DESI2: variants seen among roughly 807,000 people sequenced by gnomAD.
DESI2 encodes deubiquitinase DESI2.
DESI2 carries 10 observed loss-of-function variants against 24.1 expected under a neutral mutation model. The ratio of observed to expected loss-of-function variants is 0.41; its 90% confidence interval spans 0.26 to 0.70. The LOEUF (loss-of-function observed/expected upper bound fraction) is 0.70. Among genes scored for constraint, DESI2 ranks in the 30% least tolerant of loss-of-function variants. The pLI is 0.29. For synonymous variants in DESI2, 71 were observed against 87.7 expected (o/e 0.81, Z 1.06); for missense variants, 122 against 234.9 (o/e 0.52, Z 3.14).
At position 244,653,172 on chromosome 1, in the gene DESI2, C is replaced by T. The variant is rs1291332395; in HGVS notation, c.-142C>T. On this transcript the variant is annotated 5_prime_UTR_variant, in exon 1 of 5. Transcript: ENST00000302550. ...CCGGGAGCGGCTCGGCTGCCCGATGCTTCCGCCCCGGCTGCCGCGGGCCGG... is the reference window on the plus strand; with the variant it reads ...CCGGGAGCGGCTCGGCTGCCCGATGTTTCCGCCCCGGCTGCCGCGGGCCGG... 1.2e-6 allele frequency: 1 copy of T among 831,174 alleles called. No individual in the cohort carries two copies. The highest frequency in any genetic ancestry group is 1.7e-6 in the Non-Finnish European group (1 of 605,832). 51.5% of individuals were successfully genotyped at this position (831,174 alleles called of 1,614,324 possible). A position where few individuals can be genotyped will look rare whatever the true frequency, so the allele number is the denominator to read the frequency against.
rs57889414 is a variant in DESI2 at position 244,686,509 on chromosome 1, G to A, written c.43-88G>A. The A allele has an allele frequency of 0.011, 8,995 of 823,524 alleles. 495 individuals are homozygous for A. The African/African-American group carries it at 0.13, about 12-fold the overall frequency. 51.0% of individuals were successfully genotyped at this position (823,524 alleles called of 1,614,324 possible). Reference sequence around the variant, plus strand: ...ATCGTTATCATGGGAGTTTCAGAGTGAAAGACTGGGGAGCAGTCACTTCTG... The same window carrying A: ...ATCGTTATCATGGGAGTTTCAGAGTAAAAGACTGGGGAGCAGTCACTTCTG... On this transcript the variant is annotated intron_variant, in intron 1 of 4. Transcript: ENST00000302550.
intron 1 of DESI2, among the ~76,000 whole-genome samples, chr1:244,671,724 T>C (rs944533478): frequency 1.3e-5 from 2 of 152,266 alleles, no homozygotes; most frequent in Non-Finnish European, 2.9e-5. Context: ...CAGCTTGTTT[T>C]GTTTGTCTTT....
intron 1 of DESI2, chr1:244,653,820 C>G: frequency 4.9e-6 from 2 of 406,302 alleles, no homozygotes; most frequent in South Asian, 3.8e-5. Context: ...CCAAGCCCCT[C>G]TAAGTCCAGA....
At position 244,653,156 on chromosome 1, in the gene DESI2, G is replaced by A; in HGVS notation, c.-158G>A. The A allele has an allele frequency of 3.0e-6, 2 of 671,974 alleles. No homozygotes were observed. Among genetic ancestry groups the A allele is most frequent in the Non-Finnish European group, 4.3e-6 (2 of 466,996 alleles). The allele number at this position is 671,974 out of a possible 1,614,324, so 41.6% of individuals were successfully genotyped here. ...CTCCTGTCGGCGGCGCCCGGGAGCGGCTCGGCTGCCCGATGCTTCCGCCCC... is the reference window on the plus strand; with the variant it reads ...CTCCTGTCGGCGGCGCCCGGGAGCGACTCGGCTGCCCGATGCTTCCGCCCC... On this transcript the variant is annotated 5_prime_UTR_variant, in exon 1 of 5. Transcript: ENST00000302550.
At chr1:244,702,180 GCTAAGTGACCTA>G (rs1183620600) in intron 4 of DESI2, among the ~76,000 whole-genome samples, 1 of 152,168 alleles carries the variant, frequency 6.6e-6, no homozygotes, top group Non-Finnish European at 1.5e-5. Context: ...AGGTAGCAAT[GCTAAGTGACCTA>G]CTAATGGGTC....
At chr1:244,676,655 G>A (rs972737369) in intron 1 of DESI2, among the ~76,000 whole-genome samples, 1 of 151,538 alleles carries the variant, frequency 6.6e-6, no homozygotes, top group African/African-American at 2.4e-5. Flanking sequence ...AAAGCATTCA[G>A]TCTTTCACCG....
intron 1 of DESI2, among the ~76,000 whole-genome samples, chr1:244,683,393 G>A (rs1281036229): frequency 6.6e-6 from 1 of 150,968 alleles, no homozygotes; most frequent in South Asian, 2.1e-4. Context: ...CTCACTGCAA[G>A]CTCCGCCTCC....
intron 1 of DESI2, chr1:244,653,957 A>G (rs1675557329): frequency 4.2e-6 from 2 of 471,142 alleles, no homozygotes; most frequent in African/African-American, 4.0e-5. Flanking sequence ...TCTCAAGAAA[A>G]TAGCCCAGCT....
chr1:244,669,990 T>C (rs1032682553), intron 1 of DESI2, among the ~76,000 whole-genome samples: 1 of 151,228 alleles, frequency 6.6e-6, no homozygotes, highest in African/African-American at 2.4e-5. Flanking sequence ...GGAGTTTCGC[T>C]CTTGTTCCTA....
At chr1:244,699,746 CAAA>C (rs1189275975) in intron 4 of DESI2, among the ~76,000 whole-genome samples, 1 of 152,056 alleles carries the variant, frequency 6.6e-6, no homozygotes, top group Non-Finnish European at 1.5e-5. Flanking sequence ...GTAACAACAA[CAAA>C]AAACAAACCC....
rs553912812 is a variant in DESI2, at chr1:244,707,396, G to A, written c.*1607G>A. On this transcript the variant is annotated 3_prime_UTR_variant, in exon 5 of 5. Transcript: ENST00000302550. ...GCCACTTAACCTAATTTATGCTTTC[G>A]ACTGTTCTGTTTCCAGAGAGGAAAG... The A allele has an allele frequency of 9.8e-5, 15 of 152,690 alleles. No homozygotes were observed. The South Asian group carries it at 1.9e-3, about 19-fold the overall frequency. 9.5% of individuals were successfully genotyped at this position (152,690 alleles called of 1,614,324 possible). A position where few individuals can be genotyped will look rare whatever the true frequency, so the allele number is the denominator to read the frequency against.
intron 4 of DESI2, among the ~76,000 whole-genome samples, chr1:244,700,403 A>T (rs1022305412): frequency 2.0e-5 from 3 of 152,012 alleles, no homozygotes; most frequent in African/African-American, 7.2e-5. Context: ...CCCATCTTTG[A>T]TGCATGGGAG....
At chr1:244,666,766 G>T (rs2081910508) in intron 1 of DESI2, among the ~76,000 whole-genome samples, 1 of 152,100 alleles carries the variant, frequency 6.6e-6, no homozygotes, top group Admixed American at 6.6e-5. Context: ...CCTTTTTAAA[G>T]ACATAACTGA....
intron 1 of DESI2, among the ~76,000 whole-genome samples, chr1:244,677,389 T>A (rs1676448860): frequency 6.6e-6 from 1 of 152,218 alleles, no homozygotes; most frequent in Non-Finnish European, 1.5e-5. Context: ...TTGGTAGAGA[T>A]GTCTCTTCAT....
intron 2 of DESI2, among the ~76,000 whole-genome samples, chr1:244,688,804 T>G (rs531958773): frequency 6.6e-6 from 1 of 152,312 alleles, no homozygotes; most frequent in South Asian, 2.1e-4. Context: ...TACTCAAAGA[T>G]AAACCAATAG....
chr1:244,683,513 A>T lies in DESI2; in HGVS notation c.43-3084A>T, dbSNP rs140192956. ...TTTTCAGTAGAGACAGGGTTTCACC[A>T]TGTTAGCCAGGGTGGTCTTGATCTC... On this transcript the variant is annotated intron_variant, in intron 1 of 4. Coordinates refer to ENST00000302550, the MANE Select transcript of DESI2 (RefSeq NM_016076.5). 5.9e-5 allele frequency among the ~76,000 whole-genome samples: 9 copies of T among 152,032 alleles called. No individual in the cohort carries two copies. The South Asian group carries it at 8.3e-4, about 14-fold the overall frequency.
rs1677822557 is a variant in DESI2, at chr1:244,708,979, A to G, written c.*3190A>G. 6.5e-6 allele frequency: 1 copy of G among 152,674 alleles called. No homozygotes were observed. Among genetic ancestry groups the G allele is most frequent in the African/African-American group, 2.4e-5 (1 of 41,600 alleles). 9.5% of individuals were successfully genotyped at this position (152,674 alleles called of 1,614,324 possible). The stretch of plus-strand genomic sequence containing the variant: ...TGCTACCTTGATATAGCATTGGGCT[A>G]TCATGTTACAACATTGAAATACATT... On this transcript the variant is annotated 3_prime_UTR_variant, in exon 5 of 5. Transcript: ENST00000302550.
At chr1:244,702,938 A>C (rs934010455) in intron 4 of DESI2, among the ~76,000 whole-genome samples, 1 of 152,042 alleles carries the variant, frequency 6.6e-6, no homozygotes, top group Non-Finnish European at 1.5e-5. Context: ...TAACCTCTAA[A>C]TAGGCAGATA....
In DESI2 at chr1:244,661,476, T is replaced by C. The variant is rs568914278; in HGVS notation, c.42+8121T>C. 1.5e-4 allele frequency among the ~76,000 whole-genome samples: 23 copies of C among 152,248 alleles called. No individual in the cohort carries two copies. The South Asian group carries it at 4.2e-3, about 27-fold the overall frequency. On this transcript the variant is annotated intron_variant, in intron 1 of 4. Coordinates refer to ENST00000302550, the MANE Select transcript of DESI2 (RefSeq NM_016076.5). The stretch of plus-strand genomic sequence containing the variant: ...GCACAATGTGCAGGTTTGTTACATA[T>C]GTATACATGTGCCGTGTTGGTGTGC...
Sources: allele counts gnomAD v4.1 joint callset (sites outside exome capture counted in the v4.1 genomes callset), GRCh38; gene constraint gnomAD v4.1.1; transcripts MANE v1.5; gene names NCBI Gene and HGNC (gene_info 2026-07-23, HGNC 2026-07-21).